The following KCNIP4 variants were observed in gnomAD, a reference collection of about 807,000 sequenced individuals.
KCNIP4 encodes the protein potassium voltage-gated channel interacting protein 4.
A neutral mutation model predicts 34.0 loss-of-function variants in KCNIP4; 12 were observed. That is an observed-to-expected ratio of 0.35 (90% CI 0.23 to 0.57). The LOEUF (loss-of-function observed/expected upper bound fraction) is 0.57. KCNIP4 is among the 20% of genes least tolerant of loss of function. The probability of loss-of-function intolerance (pLI) is 0.83; values close to 1 mark genes in which losing one functional copy is unlikely to be tolerated. For synonymous variants in KCNIP4, 124 were observed against 102.2 expected (o/e 1.21, Z -1.29); for missense variants, 238 against 311.7 (o/e 0.76, Z 1.78).
chr4:21,330,927 T>C (rs1216426443), intron 1 of KCNIP4, among the ~76,000 whole-genome samples: 2 of 152,154 alleles, frequency 1.3e-5, no homozygotes, highest in Admixed American at 6.6e-5. Context: ...ACCGACTCAT[T>C]GGTGCAGAAA....
intron 1 of KCNIP4, among the ~76,000 whole-genome samples, chr4:21,367,541 T>A (rs1209343013): frequency 3.0e-5 from 4 of 131,318 alleles, no homozygotes; most frequent in Non-Finnish European, 5.9e-5. Flanking sequence ...GTCAGGATAT[T>A]TATTCTTAGC....
chr4:21,620,829 C>T (rs938222528), intron 1 of KCNIP4, among the ~76,000 whole-genome samples: 1 of 152,130 alleles, frequency 6.6e-6, no homozygotes, highest in African/African-American at 2.4e-5. Context: ...GCTCAATCAT[C>T]CAGTCCCGAG....
At chr4:21,067,327 T>C (rs985409161) in intron 1 of KCNIP4, among the ~76,000 whole-genome samples, 1 of 152,006 alleles carries the variant, frequency 6.6e-6, no homozygotes, top group South Asian at 2.1e-4. Context: ...AGCACATTCC[T>C]GGCTGTGGTG....
At chr4:21,135,793 T>C (rs1183905677) in intron 1 of KCNIP4, among the ~76,000 whole-genome samples, 3 of 152,222 alleles carry the variant, frequency 2.0e-5, no homozygotes, top group Non-Finnish European at 4.4e-5. Flanking sequence ...TGCCACTTAC[T>C]GGCTTTATTT....
rs1747219681 is a variant in KCNIP4 at position 20,729,450 on chromosome 4, A to T, written c.*632T>A. On this transcript the variant is annotated 3_prime_UTR_variant, in exon 9 of 9. Transcript: ENST00000382152. The stretch of plus-strand genomic sequence containing the variant: ...TATTAAAATAAGTTTTATTAGGCAT[A>T]TGCTGATATCTGATAATAAACTAAT... 1 of 152,106 alleles carries T rather than the reference A, an allele frequency of 6.6e-6. No homozygotes were observed. Among genetic ancestry groups the T allele is most frequent in the Non-Finnish European group, 1.5e-5 (1 of 67,974 alleles). 9.4% of individuals were successfully genotyped at this position (152,106 alleles called of 1,614,324 possible).
chr4:21,612,993 T>C (rs983667811), intron 1 of KCNIP4, among the ~76,000 whole-genome samples: 7 of 152,276 alleles, frequency 4.6e-5, no homozygotes, highest in African/African-American at 1.4e-4. Context: ...TTCAAAGGTA[T>C]GTAGAGAGAA....
Position 21,001,669 on chromosome 4 carries a change from C to T in KCNIP4, c.62-118960G>A, listed in dbSNP as rs534745641. Among the ~76,000 whole-genome samples, 13 of 152,266 alleles carry T rather than the reference C, an allele frequency of 8.5e-5. No individual in the cohort carries two copies. The East Asian group carries it at 1.7e-3, about 20-fold the overall frequency. ...TTGAGTGCCTACTCTGTTAAAGATA[C>T]GGTAGCAGAGTCCTCACATATATTA... is the stretch of plus-strand genomic sequence containing the variant. On this transcript the variant is annotated intron_variant, in intron 1 of 8. Transcript: ENST00000382152.
intron 1 of KCNIP4, among the ~76,000 whole-genome samples, chr4:21,000,565 A>G (rs1031154838): frequency 1.3e-5 from 2 of 152,004 alleles, no homozygotes; most frequent in Non-Finnish European, 2.9e-5. Context: ...CATGCCTGTA[A>G]TCCCAGCTAC....
chr4:21,038,300 A>G (rs758532958), intron 1 of KCNIP4, among the ~76,000 whole-genome samples: 15 of 152,258 alleles, frequency 9.9e-5, no homozygotes, highest in Non-Finnish European at 4.4e-5. Context: ...AACTTCCACA[A>G]TGAAATATTA....
rs1720929836 is a variant in KCNIP4, at chr4:20,850,753, T to C, written c.164-86A>G. The C allele has an allele frequency of 6.2e-6, 9 of 1,446,924 alleles. No individual in the cohort carries two copies. In the South Asian group the frequency reaches 1.2e-4, roughly 19 times the overall value. The allele number at this position is 1,446,924 out of a possible 1,614,324, so 89.6% of individuals were successfully genotyped here. A position where few individuals can be genotyped will look rare whatever the true frequency, so the allele number is the denominator to read the frequency against. On this transcript the variant is annotated intron_variant, in intron 2 of 8. Coordinates refer to ENST00000382152, the MANE Select transcript of KCNIP4 (RefSeq NM_025221.6). The stretch of plus-strand genomic sequence containing the variant: ...AGCAACAAAGGAAAACGGAAGAACA[T>C]GTCTGCTAATGTCTGTGACTGTCCA...
At chr4:20,835,409 G>A (rs73802358) in intron 3 of KCNIP4, among the ~76,000 whole-genome samples, 3,065 of 152,016 alleles carry the variant, frequency 0.02, 80 homozygotes, top group African/African-American at 0.05. Flanking sequence ...CTGTGACCTC[G>A]GAGAGGTCAC....
intron 1 of KCNIP4, among the ~76,000 whole-genome samples, chr4:21,647,481 T>C (rs1227305186): frequency 6.6e-6 from 1 of 152,146 alleles, no homozygotes; most frequent in East Asian, 1.9e-4. Flanking sequence ...TCATACACAA[T>C]AATCCTCATT....
intron 1 of KCNIP4, among the ~76,000 whole-genome samples, chr4:21,884,089 AT>A (rs1204349806): frequency 1.3e-5 from 2 of 152,106 alleles, no homozygotes; most frequent in South Asian, 2.1e-4. Flanking sequence ...TTTACTGTTA[AT>A]AGCATAAACG....
chr4:20,819,812 G>T (rs1210752903), intron 3 of KCNIP4, among the ~76,000 whole-genome samples: 1 of 152,178 alleles, frequency 6.6e-6, no homozygotes, highest in Admixed American at 6.5e-5. Flanking sequence ...CATCCCTTCT[G>T]GAGGATGCAC....
chr4:20,904,503 T>TC (rs1350073680), intron 1 of KCNIP4, among the ~76,000 whole-genome samples: 1 of 151,880 alleles, frequency 6.6e-6, no homozygotes, highest in Non-Finnish European at 1.5e-5. Context: ...CCACACTATC[T>TC]CTCTTTTTAA....
chr4:21,325,440 A>T (rs927054449), intron 1 of KCNIP4, among the ~76,000 whole-genome samples: 7 of 151,804 alleles, frequency 4.6e-5, no homozygotes, highest in Non-Finnish European at 7.4e-5. Context: ...ATCATCAGTT[A>T]TAATGACTCA....
chr4:20,940,133 C>T (rs555531959), intron 1 of KCNIP4, among the ~76,000 whole-genome samples: 1 of 152,122 alleles, frequency 6.6e-6, no homozygotes, highest in Middle Eastern at 3.2e-3. Flanking sequence ...ACCTAGGATG[C>T]CTTTCTGTTA....
At chr4:21,500,202 A>G (rs189434403) in intron 1 of KCNIP4, among the ~76,000 whole-genome samples, 1 of 152,280 alleles carries the variant, frequency 6.6e-6, no homozygotes, top group East Asian at 1.9e-4. Context: ...AGCGTTTCGA[A>G]AAAGCGTTGT....
At position 21,375,166 on chromosome 4, in the gene KCNIP4, G is replaced by A. The variant is rs763489170; in HGVS notation, c.62-492457C>T. Among the ~76,000 whole-genome samples the A allele has an allele frequency of 2.0e-4, 30 of 146,416 alleles. 3 individuals carry two copies. The highest frequency in any genetic ancestry group is 8.0e-4 in the East Asian group (4 of 5,014). On this transcript the variant is annotated intron_variant, in intron 1 of 8. Transcript: ENST00000382152. ...AGAAATTTCTAGAGGTGCATTAGTC[G>A]TAAAGGCCATGGAATGTAGCCTTTT...
Sources: allele counts gnomAD v4.1 joint callset (sites outside exome capture counted in the v4.1 genomes callset), GRCh38; gene constraint gnomAD v4.1.1; transcripts MANE v1.5; gene names NCBI Gene and HGNC (gene_info 2026-07-23, HGNC 2026-07-21).